The following NELL1 variants were observed in gnomAD, a reference collection of about 807,000 sequenced individuals.
NELL1 encodes neural EGFL like 1.
In NELL1, 76 loss-of-function variants were observed where a neutral mutation model predicts 107.4. That is an observed-to-expected ratio of 0.71 (90% CI 0.59 to 0.86). The LOEUF (loss-of-function observed/expected upper bound fraction) is 0.86, where lower values mean the gene tolerates loss of function less well. Among genes scored for constraint, NELL1 ranks in the 40% least tolerant of loss-of-function variants. The probability of loss-of-function intolerance (pLI) is 0.00; values close to 1 mark genes in which losing one functional copy is unlikely to be tolerated. For synonymous variants in NELL1, 353 were observed against 341.2 expected (o/e 1.03, Z -0.38); for missense variants, 1,024 against 1,005.5 (o/e 1.02, Z -0.25).
intron 13 of NELL1, among the ~76,000 whole-genome samples, chr11:21,140,668 T>C (rs1253681407): frequency 6.6e-6 from 1 of 152,186 alleles, no homozygotes; most frequent in Non-Finnish European, 1.5e-5. Flanking sequence ...TTTGTTTAGG[T>C]CATATCATAA....
intron 3 of NELL1, among the ~76,000 whole-genome samples, chr11:20,830,383 G>A (rs1857983085): frequency 6.6e-6 from 1 of 151,610 alleles, no homozygotes; most frequent in Non-Finnish European, 1.5e-5. Flanking sequence ...CAACACCTCA[G>A]TAATACCTGG....
At chr11:21,357,166 C>T (rs1461145665) in intron 14 of NELL1, among the ~76,000 whole-genome samples, 1 of 152,096 alleles carries the variant, frequency 6.6e-6, no homozygotes, top group African/African-American at 2.4e-5. Flanking sequence ...CGGGTAGATA[C>T]CCTGTAGTGG....
At chr11:21,566,503 G>C (rs1211993053) in intron 17 of NELL1, among the ~76,000 whole-genome samples, 12 of 151,696 alleles carry the variant, frequency 7.9e-5, no homozygotes, top group Admixed American at 7.9e-4. Flanking sequence ...TTAAAATTCA[G>C]AAGCAATTTA....
intron 15 of NELL1, among the ~76,000 whole-genome samples, chr11:21,425,518 C>T (rs543680597): frequency 6.6e-6 from 1 of 152,192 alleles, no homozygotes; most frequent in South Asian, 2.1e-4. Flanking sequence ...GCACTGGAGT[C>T]AGAGAAAATG....
At chr11:21,497,629 C>T (rs1418096493) in intron 15 of NELL1, among the ~76,000 whole-genome samples, 1 of 151,278 alleles carries the variant, frequency 6.6e-6, no homozygotes, top group East Asian at 1.9e-4. Context: ...ACTTTCATAC[C>T]CCTCAAAGAA....
chr11:21,138,193 C>T (rs1215579221), intron 13 of NELL1, among the ~76,000 whole-genome samples: 2 of 152,156 alleles, frequency 1.3e-5, no homozygotes, highest in Non-Finnish European at 2.9e-5. Context: ...GTCTCTCCAT[C>T]TGCAAAACTG....
chr11:21,104,382 C>T (rs1210908316), intron 12 of NELL1, among the ~76,000 whole-genome samples: 5 of 152,162 alleles, frequency 3.3e-5, no homozygotes, highest in Non-Finnish European at 7.3e-5. Context: ...GCTAGAAATT[C>T]GTATGCTGTG....
intron 15 of NELL1, among the ~76,000 whole-genome samples, chr11:21,494,333 G>C (rs969748961): frequency 6.6e-6 from 1 of 151,836 alleles, no homozygotes; most frequent in African/African-American, 2.4e-5. Context: ...TCACTAACAA[G>C]TCATCCAATT....
intron 12 of NELL1, among the ~76,000 whole-genome samples, chr11:21,022,418 A>G (rs1565019375): frequency 6.6e-6 from 1 of 152,140 alleles, no homozygotes; most frequent in Non-Finnish European, 1.5e-5. Flanking sequence ...ATAAAAGGAA[A>G]TTAGGCTCAG....
chr11:20,887,036 A>G (rs1849523427), intron 5 of NELL1, among the ~76,000 whole-genome samples: 1 of 151,964 alleles, frequency 6.6e-6, no homozygotes, highest in South Asian at 2.1e-4. Flanking sequence ...TTTAGCAACC[A>G]CTGGTCTGTT....
chr11:21,284,656 G>A (rs1849075907), intron 14 of NELL1: 2 of 389,184 alleles, frequency 5.1e-6, no homozygotes, highest in South Asian at 3.8e-5. Flanking sequence ...TTGATTGGTG[G>A]GGCAGGCCTT....
At chr11:20,879,308 C>T (rs185634049) in intron 4 of NELL1, among the ~76,000 whole-genome samples, 1 of 151,690 alleles carries the variant, frequency 6.6e-6, no homozygotes, top group East Asian at 1.9e-4. Flanking sequence ...TTCTGAGAGA[C>T]CAGGAAATAA....
chr11:21,411,659 CAAAA>C lies in NELL1; in HGVS notation c.1645+40712_1645+40715del, dbSNP rs1413018697. Among the ~76,000 whole-genome samples, 9 of 151,908 alleles carry C rather than the reference CAAAA, an allele frequency of 5.9e-5. No homozygotes were observed. In the East Asian group the frequency reaches 1.8e-3, roughly 30 times the overall value. ...AATGATTTTCTAATGCAGTATTTTTCAAAAGAGAAAATTAATGCAAGCATATCTA... is the reference window on the plus strand; with the variant it reads ...AATGATTTTCTAATGCAGTATTTTTCGAGAAAATTAATGCAAGCATATCTA... On this transcript the variant is annotated intron_variant, in intron 15 of 19. Coordinates refer to ENST00000357134, the MANE Select transcript of NELL1 (RefSeq NM_006157.5).
chr11:20,810,007 A>T (rs1857465691), intron 3 of NELL1, among the ~76,000 whole-genome samples: 1 of 152,082 alleles, frequency 6.6e-6, no homozygotes, highest in Admixed American at 6.6e-5. Flanking sequence ...CTTTTTCTCC[A>T]CATCCTTGCC....
chr11:20,890,608 C>A (rs1032802637), intron 5 of NELL1, among the ~76,000 whole-genome samples: 1 of 151,920 alleles, frequency 6.6e-6, no homozygotes, highest in African/African-American at 2.4e-5. Context: ...AAGCTAAGAA[C>A]CTTGATAAGA....
chr11:20,912,379 T>C (rs895037797), intron 5 of NELL1, among the ~76,000 whole-genome samples: 2 of 152,182 alleles, frequency 1.3e-5, no homozygotes, highest in African/African-American at 2.4e-5. Context: ...CTTATCTGAA[T>C]CTTCTGATTG....
intron 2 of NELL1, among the ~76,000 whole-genome samples, chr11:20,688,141 C>T (rs561470580): frequency 7.1e-4 from 108 of 151,918 alleles, no homozygotes; most frequent in African/African-American, 2.6e-3. Context: ...CCATAGTTTT[C>T]GTAGTAGAAT....
intron 2 of NELL1, among the ~76,000 whole-genome samples, chr11:20,728,384 A>T (rs1855556194): frequency 6.6e-6 from 1 of 152,018 alleles, no homozygotes; most frequent in Non-Finnish European, 1.5e-5. Flanking sequence ...CTTACTTTTC[A>T]AGGTCAATGT....
chr11:20,732,174 A>T (rs765335930), intron 2 of NELL1, among the ~76,000 whole-genome samples: 31 of 151,766 alleles, frequency 2.0e-4, no homozygotes, highest in Non-Finnish European at 4.4e-4. Flanking sequence ...GGAATGGGTG[A>T]TCTGATTTAC....
Sources: gnomAD v4.1 joint callset for allele counts (sites outside exome capture counted in the v4.1 genomes callset) on GRCh38, gnomAD v4.1.1 for gene constraint, MANE v1.5 for transcripts, NCBI Gene and HGNC (gene_info 2026-07-23, HGNC 2026-07-21) for gene names.